The following ZNF423 variants were observed in gnomAD, a reference collection of about 807,000 sequenced individuals.
ZNF423 encodes zinc finger protein 423.
Under a neutral mutation model 95.8 loss-of-function variants are expected in ZNF423, and 12 were observed. The ratio of observed to expected loss-of-function variants is 0.13; its 90% CI spans 0.08 to 0.20. The LOEUF (loss-of-function observed/expected upper bound fraction) is 0.20. Ranked by LOEUF, ZNF423 falls within the 10% of genes least tolerant of loss-of-function variation. The pLI is 1.00. For missense variants in ZNF423, 1,316 were observed against 1,737.1 expected, an observed-to-expected ratio of 0.76 and a Z score of 4.31; for synonymous variants, 749 against 711.9, an observed-to-expected ratio of 1.05 and a Z score of -0.83.
At chr16:49,645,783 A>G (rs1027008955) in intron 3 of ZNF423, among the ~76,000 whole-genome samples, 1 of 152,190 alleles carries the variant, frequency 6.6e-6, no homozygotes, top group Non-Finnish European at 1.5e-5. Flanking sequence ...GGTTTCCCCC[A>G]TGCTATTCTA....
intron 3 of ZNF423, among the ~76,000 whole-genome samples, chr16:49,721,032 C>T (rs565385059): frequency 6.6e-6 from 1 of 152,348 alleles, no homozygotes; most frequent in African/African-American, 2.4e-5. Context: ...AAAGGTGGAG[C>T]CTGGAGGTGC....
chr16:49,690,257 G>A (rs1390565641), intron 3 of ZNF423, among the ~76,000 whole-genome samples: 8 of 152,246 alleles, frequency 5.3e-5, no homozygotes, highest in Non-Finnish European at 8.8e-5. Flanking sequence ...GAGAAAAAAT[G>A]TGAACACAGA....
chr16:49,517,277 A>T (rs1483616827), intron 7 of ZNF423, among the ~76,000 whole-genome samples: 1 of 152,238 alleles, frequency 6.6e-6, no homozygotes, highest in Non-Finnish European at 1.5e-5. Flanking sequence ...GTGATGCCTG[A>T]GCCATGACTA....
At position 49,813,690 on chromosome 16, in the gene ZNF423, C is replaced by A. The variant is rs78691069; in HGVS notation, c.41-24144G>T. Among the ~76,000 whole-genome samples, 572 of 152,348 alleles carry A rather than the reference C, an allele frequency of 3.8e-3. 26 individuals carry two copies. In the East Asian group the frequency reaches 0.089, roughly 24 times the overall value. On this transcript the variant is annotated intron_variant, in intron 1 of 7. Transcript: ENST00000563137. ...TGTGCATTCACACTGTTGGCTCCCC[C>A]TTGGCCTCCTGTTAAAGTCTCTTTT... is the stretch of plus-strand genomic sequence containing the variant.
chr16:49,790,380 C>G (rs965663711), intron 1 of ZNF423, among the ~76,000 whole-genome samples: 2 of 152,266 alleles, frequency 1.3e-5, no homozygotes, highest in Non-Finnish European at 2.9e-5. Context: ...CTGAGCCAGG[C>G]ACTGTGCTGG....
intron 2 of ZNF423, among the ~76,000 whole-genome samples, chr16:49,770,684 G>A (rs1039927043): frequency 1.3e-5 from 2 of 152,160 alleles, no homozygotes; most frequent in Non-Finnish European, 2.9e-5. Context: ...GGGTGCTCTC[G>A]GAGGGGCACA....
chr16:49,710,127 C>T (rs2032496940), intron 3 of ZNF423, among the ~76,000 whole-genome samples: 1 of 152,222 alleles, frequency 6.6e-6, no homozygotes, highest in Non-Finnish European at 1.5e-5. Context: ...AACAAACTCT[C>T]CCTTGACTTG....
At position 49,720,178 on chromosome 16, in the gene ZNF423, T is replaced by A. The variant is rs199845281; in HGVS notation, c.301+10593A>T. On this transcript the variant is annotated intron_variant, in intron 3 of 7. Coordinates refer to ENST00000563137, the MANE Select transcript of ZNF423 (RefSeq NM_001379286.1). ...ACCCAAGGTGGGGGCACAACTTCTA[T>A]GAAGTTTGTTAGAATTCAAGGGTCA... is the stretch of plus-strand genomic sequence containing the variant. Among the ~76,000 whole-genome samples the A allele has an allele frequency of 5.3e-5, 8 of 152,320 alleles. No homozygotes were observed. The East Asian group carries it at 9.6e-4, about 18-fold the overall frequency.
chr16:49,636,251 G>A lies in ZNF423; in HGVS notation c.2925C>T (p.Arg975=). The part of the protein sequence containing the change: ...KHYMCPICGE[R]FPSLLTLTEH... ...CGGTGAGCGTCAGCAGCGAAGGGAA[G>A]CGCTCACCACAGATGGGACACATGT... is the stretch of plus-strand genomic sequence containing the variant. The change falls in exon 4 of 8, where the codon CGC becomes CGT. Residue 975 remains arginine, a synonymous_variant. Coordinates refer to ENST00000563137, the MANE Select transcript of ZNF423 (RefSeq NM_001379286.1). This position sits in a 1 kb window ranked among gnomAD's most constrained non-coding sequence, Gnocchi z 8.6. 6.2e-7 allele frequency: 1 copy of A among 1,612,980 alleles called. No individual in the cohort carries two copies. The highest frequency in any genetic ancestry group is 8.5e-7 in the Non-Finnish European group (1 of 1,180,014).
chr16:49,690,674 G>T (rs2031743515), intron 3 of ZNF423, among the ~76,000 whole-genome samples: 1 of 152,176 alleles, frequency 6.6e-6, no homozygotes, highest in Non-Finnish European at 1.5e-5. Flanking sequence ...GCAGCGAGGG[G>T]GTACCACTGG....
At chr16:49,769,775 C>T (rs1010762279) in intron 2 of ZNF423, among the ~76,000 whole-genome samples, 2 of 150,186 alleles carry the variant, frequency 1.3e-5, no homozygotes, top group East Asian at 2.0e-4. Context: ...TTCACACCCC[C>T]GTCTCCCTCC....
At chr16:49,684,286 A>C (rs141044720) in intron 3 of ZNF423, among the ~76,000 whole-genome samples, 81 of 152,326 alleles carry the variant, frequency 5.3e-4, no homozygotes, top group African/African-American at 1.7e-3. Flanking sequence ...TTTTCTCAAA[A>C]TACAACTAAC....
intron 1 of ZNF423, chr16:49,854,239 G>A (rs2035332092): frequency 1.0e-6 from 1 of 985,314 alleles, no homozygotes; most frequent in Non-Finnish European, 1.2e-6. Context: ...CTTCTCTCAG[G>A]GAAAAGGAGG....
intron 5 of ZNF423, among the ~76,000 whole-genome samples, chr16:49,617,651 G>C (rs955432954): frequency 2.6e-5 from 4 of 151,942 alleles, no homozygotes; most frequent in Non-Finnish European, 4.4e-5. Flanking sequence ...ACACACTTTG[G>C]TCTCTCTCTC....
intron 2 of ZNF423, among the ~76,000 whole-genome samples, chr16:49,778,733 C>T (rs541322561): frequency 1.2e-4 from 19 of 152,302 alleles, no homozygotes; most frequent in African/African-American, 3.4e-4. Context: ...GACGATGTGA[C>T]GAGAAGGAGG....
chr16:49,678,998 C>T (rs2031237249), intron 3 of ZNF423, among the ~76,000 whole-genome samples: 1 of 152,236 alleles, frequency 6.6e-6, no homozygotes, highest in Admixed American at 6.5e-5. Flanking sequence ...CAGTGGTACA[C>T]AGGTCAGGAG....
chr16:49,835,756 A>G (rs2035112111), intron 1 of ZNF423, among the ~76,000 whole-genome samples: 1 of 152,198 alleles, frequency 6.6e-6, no homozygotes, highest in Non-Finnish European at 1.5e-5. Flanking sequence ...CAGAGGATGC[A>G]GAGGGTCCGG....
intron 5 of ZNF423, among the ~76,000 whole-genome samples, chr16:49,592,253 A>G (rs957183044): frequency 6.6e-6 from 1 of 152,232 alleles, no homozygotes; most frequent in African/African-American, 2.4e-5. Flanking sequence ...CTGGGAGGTG[A>G]GATTAAGGGT....
At chr16:49,599,783 C>T (rs1971299506) in intron 5 of ZNF423, among the ~76,000 whole-genome samples, 1 of 152,194 alleles carries the variant, frequency 6.6e-6, no homozygotes, top group African/African-American at 2.4e-5. Context: ...GGCGATTCAA[C>T]AGAAATGACA....
Sources: allele counts gnomAD v4.1 joint callset (sites outside exome capture counted in the v4.1 genomes callset), GRCh38; gene constraint gnomAD v4.1.1; non-coding constraint Gnocchi (gnomAD v3.1); transcripts MANE v1.5; gene names NCBI Gene and HGNC (gene_info 2026-07-23, HGNC 2026-07-21).